The following HID1 variants were observed in gnomAD, a reference collection of about 807,000 sequenced individuals.
HID1 encodes the protein protein HID1.
Under a neutral mutation model 89.7 loss-of-function variants are expected in HID1, and 42 were observed. The ratio of observed to expected loss-of-function variants is 0.47; its 90% CI spans 0.37 to 0.61. The LOEUF is 0.61. Ranked by LOEUF, HID1 falls within the 20% of genes least tolerant of loss-of-function variation. The pLI is 0.00. For missense variants in HID1, 854 were observed against 1,039.3 expected (o/e 0.82, Z 2.45); for synonymous variants, 442 against 433.8 (o/e 1.02, Z -0.24).
chr17:74,972,146 C>T lies in HID1; in HGVS notation c.66+445G>A, dbSNP rs2039657068. ...TTTCTCCGACCCGGGCGGACGCCAGCCAGGCTTTGTTTGCATTGAGTCAAC... is the reference window on the plus strand; with the variant it reads ...TTTCTCCGACCCGGGCGGACGCCAGTCAGGCTTTGTTTGCATTGAGTCAAC... On this transcript the variant is annotated intron_variant, in intron 1 of 18. Coordinates refer to ENST00000425042, the MANE Select transcript of HID1 (RefSeq NM_030630.3). This position sits in a 1 kb window ranked among gnomAD's most constrained non-coding sequence, Gnocchi z 6.4. Among the ~76,000 whole-genome samples the T allele has an allele frequency of 6.6e-6, 1 of 152,166 alleles. No homozygotes were observed. The highest frequency in any genetic ancestry group is 1.9e-4 in the East Asian group (1 of 5,190).
At chr17:74,968,961 G>A (rs1298260666) in intron 1 of HID1, among the ~76,000 whole-genome samples, 1 of 152,212 alleles carries the variant, frequency 6.6e-6, no homozygotes, top group Non-Finnish European at 1.5e-5. Flanking sequence ...TTGAACTTTA[G>A]GAACAGGACT....
intron 1 of HID1, among the ~76,000 whole-genome samples, chr17:74,965,120 A>T (rs2039542412): frequency 6.6e-6 from 1 of 152,218 alleles, no homozygotes; most frequent in South Asian, 2.1e-4. Flanking sequence ...CAGCACACCC[A>T]AAACAGCTGC....
intron 15 of HID1, 57 bp from the exon 16 acceptor site, chr17:74,953,143 T>C: frequency 2.5e-6 from 3 of 1,216,004 alleles, no homozygotes; most frequent in Non-Finnish European, 3.5e-6. Flanking sequence ...AGGGGTGGAG[T>C]GGGGGGCAAT....
intron 3 of HID1, 83 bp downstream of exon 3, chr17:74,963,657 G>A (rs1407577377): frequency 1.5e-6 from 2 of 1,346,162 alleles, no homozygotes; most frequent in East Asian, 2.5e-5. Flanking sequence ...GAAGAGGCTT[G>A]GAGGAGCATG....
intron 3 of HID1, chr17:74,963,329 C>T (rs2039513378): frequency 1.9e-6 from 1 of 521,608 alleles, no homozygotes. Context: ...GGCGGTGACC[C>T]CAACATCAAG....
rs375262165 is a variant in HID1 at position 74,952,365 on chromosome 17, C to G, written c.2053-5G>C. On this transcript the variant is annotated splice_polypyrimidine_tract_variant and splice_region_variant and intron_variant, in intron 16 of 18. Transcript: ENST00000425042. The stretch of plus-strand genomic sequence containing the variant: ...CTTCGACTTCCAGGAGAGGACCTGG[C>G]GAGGGACGGGGTTCCTGGGGCTGAG... 35 of 1,612,400 alleles carry G rather than the reference C, an allele frequency of 2.2e-5. No individual in the cohort carries two copies. The Middle Eastern group carries it at 6.6e-4, about 31-fold the overall frequency.
In HID1 at chr17:74,972,664, G is replaced by A. The variant is rs1332083062; in HGVS notation, c.-8C>T. On this transcript the variant is annotated 5_prime_UTR_variant, in exon 1 of 19. Transcript: ENST00000425042. The surrounding 1 kb of genome is among the most constrained non-coding windows in gnomAD (Gnocchi z 6.4). The stretch of plus-strand genomic sequence containing the variant: ...GGAGTCGGTCGACCCCATGTCTCTG[G>A]AGCCCGCTCCGGCCCGGCCCCCGCC... 5 of 1,540,218 alleles carry A rather than the reference G, an allele frequency of 3.2e-6. No homozygotes were observed. The highest frequency in any genetic ancestry group is 1.2e-5 in the South Asian group (1 of 82,604).
chr17:74,957,304 T>C (rs753941167), intron 12 of HID1, among the ~76,000 whole-genome samples: 99 of 140,204 alleles, frequency 7.1e-4, no homozygotes, highest in Admixed American at 1.8e-3. Context: ...CAAAACTCTG[T>C]CTCTACTAAA....
chr17:74,953,506 G>C, intron 15 of HID1, 39 bp downstream of exon 15: 1 of 1,557,550 alleles, frequency 6.4e-7, no homozygotes, highest in Non-Finnish European at 8.8e-7. Context: ...GGAAGGGAAG[G>C]GCCAGCCACG....
At position 74,952,014 on chromosome 17, in the gene HID1, G is replaced by A. The variant is rs1315258772; in HGVS notation, c.2194C>T (p.Leu732=). The change falls in exon 18 of 19, where the codon CTG becomes TTG. Residue 732 remains leucine (L), a synonymous_variant. Coordinates refer to ENST00000425042, the MANE Select transcript of HID1 (RefSeq NM_030630.3). ...EILRFLQHGT[L]VGLLPVPHPI... ...TGGGGCACGGGCAGCAGCCCCACCA[G>A]GGTGCCATGCTGCAGGAACCGCAGG... The A allele has an allele frequency of 6.4e-7, 1 of 1,560,066 alleles. No homozygotes were observed. The highest frequency in any genetic ancestry group is 1.4e-5 in the African/African-American group (1 of 73,998).
At chr17:74,961,418 C>T (rs1420681176) in intron 6 of HID1, among the ~76,000 whole-genome samples, 1 of 151,998 alleles carries the variant, frequency 6.6e-6, no homozygotes, top group Non-Finnish European at 1.5e-5. Flanking sequence ...CAGGCACCCG[C>T]CACCAAGCCT....
intron 1 of HID1, among the ~76,000 whole-genome samples, chr17:74,967,031 G>A (rs2039573298): frequency 6.6e-6 from 1 of 152,088 alleles, no homozygotes; most frequent in Non-Finnish European, 1.5e-5. Context: ...ACAAGGTCAG[G>A]AGTTCGAGAC....
At position 74,963,033 on chromosome 17, in the gene HID1, G is replaced by A. The variant is rs1363050933; in HGVS notation, c.436C>T (p.Leu146Phe). 1.2e-5 allele frequency: 19 copies of A among 1,613,418 alleles called. No homozygotes were observed. Among genetic ancestry groups the A allele is most frequent in the Non-Finnish European group, 1.5e-5 (18 of 1,179,690 alleles). ...AAGAGCAGGTCAGCAATGGCCAGGA[G>A]CAGGGACTCGGCCAGGGGCCTGGCA... ...EHARPLAESL[L>F]LAIADLLFCP... Residue 146 changes from leucine to phenylalanine, a missense_variant, in exon 4 of 19, where the codon CTC becomes TTC. Physicochemically the swap from Leu to Phe is conservative, Grantham distance 22. Coordinates refer to ENST00000425042, the MANE Select transcript of HID1 (RefSeq NM_030630.3).
At chr17:74,952,768 G>T (rs1299200205) in intron 16 of HID1, among the ~76,000 whole-genome samples, 4 of 152,200 alleles carry the variant, frequency 2.6e-5, no homozygotes, top group Admixed American at 1.3e-4. Context: ...TCCTGCTGGG[G>T]ACTCTGGCAA....
chr17:74,969,006 C>T (rs898277431), intron 1 of HID1, among the ~76,000 whole-genome samples: 2 of 152,212 alleles, frequency 1.3e-5, no homozygotes, highest in African/African-American at 4.8e-5. Context: ...GGCCTCCTCT[C>T]CTGGTCCCAC....
chr17:74,964,265 G>A (rs903680516), intron 2 of HID1: 1 of 609,342 alleles, frequency 1.6e-6, no homozygotes, highest in Non-Finnish European at 2.9e-6. Flanking sequence ...CTGATCTGTG[G>A]AAGGTGCTCA....
chr17:74,965,783 G>A (rs1200437371), intron 1 of HID1, among the ~76,000 whole-genome samples: 2 of 151,838 alleles, frequency 1.3e-5, no homozygotes, highest in African/African-American at 2.4e-5. Flanking sequence ...CAGGCGTGGT[G>A]GCAGGCGCCT....
intron 16 of HID1, 72 bp downstream of exon 16, chr17:74,952,934 A>G (rs1229189851): frequency 6.5e-6 from 8 of 1,235,990 alleles, no homozygotes; most frequent in South Asian, 4.2e-5. Context: ...AGGAGCCCCA[A>G]CCCAGCTCCC....
In HID1 at chr17:74,963,691, C is replaced by T. The variant is rs780555862; in HGVS notation, c.387+49G>A. ...TGGCCGGCCCTAAAGGGCGCTCTCCCTGTGACGCCAACTCTGCCTCCCACC... is the reference window on the plus strand; with the variant it reads ...TGGCCGGCCCTAAAGGGCGCTCTCCTTGTGACGCCAACTCTGCCTCCCACC... On this transcript the variant is annotated intron_variant, in intron 3 of 18. Coordinates refer to ENST00000425042, the MANE Select transcript of HID1 (RefSeq NM_030630.3). The T allele has an allele frequency of 1.9e-5, 29 of 1,532,978 alleles. No individual in the cohort carries two copies. The East Asian group carries it at 7.0e-4, about 37-fold the overall frequency. 95.0% of individuals were successfully genotyped at this position (1,532,978 alleles called of 1,614,324 possible). A position where few individuals can be genotyped will look rare whatever the true frequency, so the allele number is the denominator to read the frequency against.
Sources: allele counts gnomAD v4.1 joint callset (sites outside exome capture counted in the v4.1 genomes callset), GRCh38; gene constraint gnomAD v4.1.1; non-coding constraint Gnocchi (gnomAD v3.1); transcripts MANE v1.5; gene names NCBI Gene and HGNC (gene_info 2026-07-23, HGNC 2026-07-21).